Variants in B4GALNT3 observed in about 807,000 individuals in gnomAD.
B4GALNT3 encodes the protein beta-1,4-N-acetylgalactosaminyltransferase 3.
In B4GALNT3, 86 loss-of-function variants were observed where a neutral mutation model predicts 120.2. The observed-to-expected ratio is 0.72, with a 90% CI of 0.60 to 0.86. B4GALNT3 has a LOEUF of 0.86. Among genes scored for constraint, B4GALNT3 ranks in the 40% least tolerant of loss-of-function variants. B4GALNT3 has a pLI of 0.00. For missense variants in B4GALNT3, 1,167 were observed against 1,298.9 expected (o/e 0.90, Z 1.56); for synonymous variants, 518 against 510.4 (o/e 1.01, Z -0.20).
chr12:511,749 C>CGCCTTCG (rs1946568655), intron 1 of B4GALNT3, among the ~76,000 whole-genome samples: 1 of 94,684 alleles, frequency 1.1e-5, no homozygotes, highest in Non-Finnish European at 2.0e-5. Flanking sequence ...TTCCACCTTC[C>CGCCTTCG]ACCTTCTTCC....
At chr12:521,207 C>A (rs78524867) in intron 1 of B4GALNT3, among the ~76,000 whole-genome samples, 4,585 of 152,252 alleles carry the variant, frequency 0.03, 235 homozygotes, top group African/African-American at 0.1. Context: ...CAGCAGGACT[C>A]TCGTCATCAC....
At chr12:467,551 T>C (rs1946093814) in intron 1 of B4GALNT3, among the ~76,000 whole-genome samples, 1 of 152,144 alleles carries the variant, frequency 6.6e-6, no homozygotes, top group African/African-American at 2.4e-5. Context: ...AGCAAGACTG[T>C]GTCTTAAATA....
chr12:540,726 G>A (rs1457517954), intron 3 of B4GALNT3, among the ~76,000 whole-genome samples: 4 of 152,230 alleles, frequency 2.6e-5, no homozygotes, highest in South Asian at 4.2e-4. Context: ...AAGCTTCAGA[G>A]GTTTTTTTTC....
chr12:546,540 C>T, intron 6 of B4GALNT3, 106 bp from the exon 7 acceptor site: 1 of 1,024,522 alleles, frequency 9.8e-7, no homozygotes, highest in Non-Finnish European at 1.5e-6. Flanking sequence ...GTCTTCCTCC[C>T]TTTTTCTCTC....
At chr12:470,735 C>CT (rs1565587007) in intron 1 of B4GALNT3, among the ~76,000 whole-genome samples, 1 of 151,898 alleles carries the variant, frequency 6.6e-6, no homozygotes, top group African/African-American at 2.4e-5. Context: ...ATTTTAGTGA[C>CT]TGTTTTGTTT....
intron 1 of B4GALNT3, among the ~76,000 whole-genome samples, chr12:516,813 G>C (rs1419294342): frequency 1.3e-5 from 2 of 152,176 alleles, no homozygotes; most frequent in Non-Finnish European, 2.9e-5. Flanking sequence ...GATACAAGGG[G>C]ACTGGAAGAG....
chr12:494,840 T>C (rs191256920), intron 1 of B4GALNT3, among the ~76,000 whole-genome samples: 1 of 152,290 alleles, frequency 6.6e-6, no homozygotes, highest in Non-Finnish European at 1.5e-5. Context: ...TTTATTCTTA[T>C]GTATTCTTTG....
chr12:511,915 T>TCTTCCAC (rs1174200582), intron 1 of B4GALNT3, among the ~76,000 whole-genome samples: 2 of 93,862 alleles, frequency 2.1e-5, no homozygotes, highest in African/African-American at 4.7e-5. Context: ...CCTTCGACCT[T>TCTTCCAC]CTTCCACCTT....
rs759825573 is a variant in B4GALNT3 at position 553,716 on chromosome 12, G to T, written c.1793G>T (p.Gly598Val). ...GAGGAGGAAGTGGTGGCGGCCGCAG[G>T]CCAGGAAGGACAAGTGGAGGGAGAG... ...HGEEEVVAAA[G>V]QEGQVEGEEE... is the part of the protein sequence containing the mutation. Residue 598 changes from glycine (G) to valine (V), a missense_variant, in exon 14 of 20, where the codon GGC becomes GTC. This residue lies in a region of B4GALNT3 where 983 missense variants were observed against 1,102.5 expected (regional missense o/e 0.89). Coordinates refer to ENST00000266383, the MANE Select transcript of B4GALNT3 (RefSeq NM_173593.4). 6 of 1,614,144 alleles carry T rather than the reference G, an allele frequency of 3.7e-6. No individual in the cohort carries two copies. The highest frequency in any genetic ancestry group is 8.5e-7 in the Non-Finnish European group (1 of 1,179,984).
intron 1 of B4GALNT3, among the ~76,000 whole-genome samples, chr12:464,267 G>A (rs1946054726): frequency 6.6e-6 from 1 of 152,184 alleles, no homozygotes; most frequent in African/African-American, 2.4e-5. Context: ...CTCCAATTAG[G>A]CAGGTTTTCA....
intron 2 of B4GALNT3, 39 bp downstream of exon 2, chr12:535,308 TAAC>T (rs1289492553): frequency 2.6e-6 from 4 of 1,565,792 alleles, no homozygotes; most frequent in Non-Finnish European, 3.5e-6. Flanking sequence ...GCTGATGCCT[TAAC>T]AAAGGTCCGC....
intron 1 of B4GALNT3, among the ~76,000 whole-genome samples, chr12:472,935 C>T (rs1328317285): frequency 1.3e-5 from 2 of 150,750 alleles, no homozygotes; most frequent in Non-Finnish European, 2.9e-5. Context: ...GGAGTGTTTT[C>T]TTTTTTTCAT....
chr12:460,308 G>A lies in B4GALNT3; in HGVS notation c.-69G>A. 4 of 968,324 alleles carry A rather than the reference G, an allele frequency of 4.1e-6. No homozygotes were observed. The highest frequency in any genetic ancestry group is 4.9e-6 in the Non-Finnish European group (4 of 816,168). 60.0% of individuals were successfully genotyped at this position (968,324 alleles called of 1,614,324 possible). On this transcript the variant is annotated 5_prime_UTR_variant, in exon 1 of 20. Coordinates refer to ENST00000266383, the MANE Select transcript of B4GALNT3 (RefSeq NM_173593.4). The surrounding 1 kb of genome is among the most constrained non-coding windows in gnomAD (Gnocchi z 8.0). ...GGACGCGGGGCGCCCTGGGCGCGGG[G>A]CCCGGCCGGGGGGCGGCGGCTCGGG...
In B4GALNT3 at chr12:553,860, A is replaced by G; in HGVS notation, c.1937A>G (p.Gln646Arg). 1 of 1,614,232 alleles carries G rather than the reference A, an allele frequency of 6.2e-7. No homozygotes were observed. The highest frequency in any genetic ancestry group is 8.5e-7 in the Non-Finnish European group (1 of 1,180,030). Residue 646 changes from glutamine (Q) to arginine (R), a missense_variant, in exon 14 of 20, where the codon CAA becomes CGA. Physicochemically the swap from Gln to Arg is conservative, Grantham distance 43 (BLOSUM62 1). This residue lies in a region of B4GALNT3 where 983 missense variants were observed against 1,102.5 expected (regional missense o/e 0.89). Transcript: ENST00000266383. ...TTCAGTGCCCGGAATCTCGACTTCC[A>G]AGCCCTGAGGACTGACTGGATCGAT... is the stretch of plus-strand genomic sequence containing the variant. Reference protein sequence around the residue: ...QTFSARNLDFQALRTDWIDLS... With the variant: ...QTFSARNLDFRALRTDWIDLS...
At position 553,886 on chromosome 12, in the gene B4GALNT3, C is replaced by A; in HGVS notation, c.1963C>A (p.Leu655Met). 6.2e-7 allele frequency: 1 copy of A among 1,614,198 alleles called. No homozygotes were observed. The highest frequency in any genetic ancestry group is 8.5e-7 in the Non-Finnish European group (1 of 1,180,010). ...AGCCCTGAGGACTGACTGGATCGAT[C>A]TGAGCTGTAACACATCTGGCAACCT... ...FQALRTDWID[L>M]SCNTSGNLLL... Residue 655 changes from leucine (L) to methionine (M), a missense_variant, in exon 14 of 20, where the codon CTG becomes ATG. Physicochemically the swap from Leu to Met is conservative, Grantham distance 15. Transcript: ENST00000266383.
At chr12:514,198 G>GC (rs1269964486) in intron 1 of B4GALNT3, among the ~76,000 whole-genome samples, 1 of 117,856 alleles carries the variant, frequency 8.5e-6, no homozygotes, top group Non-Finnish European at 1.7e-5. Flanking sequence ...GTCCGTTTTT[G>GC]TTTTTTTTTT....
chr12:482,054 C>T (rs1285045398), intron 1 of B4GALNT3, among the ~76,000 whole-genome samples: 3 of 152,054 alleles, frequency 2.0e-5, no homozygotes, highest in African/African-American at 4.8e-5. Context: ...CACTCAACCC[C>T]GAGCCAATAA....
At chr12:469,329 C>T (rs141412952) in intron 1 of B4GALNT3, among the ~76,000 whole-genome samples, 7 of 152,200 alleles carry the variant, frequency 4.6e-5, no homozygotes, top group Non-Finnish European at 8.8e-5. Flanking sequence ...TTTAGTGAGC[C>T]GAGCACATAT....
intron 1 of B4GALNT3, among the ~76,000 whole-genome samples, chr12:476,371 C>A (rs529625444): frequency 6.6e-6 from 1 of 152,146 alleles, no homozygotes; most frequent in East Asian, 1.9e-4. Flanking sequence ...TAAGAGAATC[C>A]CTTGAGGCCG....
Sources: gnomAD v4.1 joint callset for allele counts (sites outside exome capture counted in the v4.1 genomes callset) on GRCh38, gnomAD v4.1.1 for gene constraint, gnomAD v4.1.1 regional missense constraint, Gnocchi (gnomAD v3.1) non-coding constraint, MANE v1.5 for transcripts, NCBI Gene and HGNC (gene_info 2026-07-23, HGNC 2026-07-21) for gene names.